EPB41L4A: variants seen among roughly 807,000 people sequenced by gnomAD.
EPB41L4A encodes the protein erythrocyte membrane protein band 4.1 like 4A.
Under a neutral mutation model 108.6 loss-of-function variants are expected in EPB41L4A, and 100 were observed. That is an observed-to-expected ratio of 0.92 (90% CI 0.78 to 1.09). The LOEUF (loss-of-function observed/expected upper bound fraction) is 1.09, where lower values mean the gene tolerates loss of function less well. Ranked by LOEUF, EPB41L4A falls within the 50% of genes least tolerant of loss-of-function variation. EPB41L4A has a pLI of 0.00. For synonymous variants in EPB41L4A, 319 were observed against 289.0 expected, an observed-to-expected ratio of 1.10 and a Z score of -1.05; for missense variants, 1,030 against 842.7, an observed-to-expected ratio of 1.22 and a Z score of -2.75.
intron 1 of EPB41L4A, among the ~76,000 whole-genome samples, chr5:112,322,513 A>G (rs1755848369): frequency 6.6e-6 from 1 of 152,112 alleles, no homozygotes. Context: ...CTAGCCAGAA[A>G]TCTAAGTCGG....
chr5:112,212,294 G>GT lies in EPB41L4A; in HGVS notation c.1088-2313dup, dbSNP rs1399638774. On this transcript the variant is annotated intron_variant, in intron 12 of 22. Coordinates refer to ENST00000261486, the MANE Select transcript of EPB41L4A (RefSeq NM_022140.5). ...GTGTGCCCTACCATTAGTTGTTTTT[G>GT]TTTTTTTTTTTCTCCTGAGACAGAG... Among the ~76,000 whole-genome samples, 695 of 136,582 alleles carry GT rather than the reference G, an allele frequency of 5.1e-3. 6 individuals are homozygous for GT. Among genetic ancestry groups the GT allele is most frequent in the Non-Finnish European group, 7.6e-3 (464 of 61,230 alleles). 89.6% of individuals were successfully genotyped at this position (136,582 alleles called of 152,430 possible). A position where few individuals can be genotyped will look rare whatever the true frequency, so the allele number is the denominator to read the frequency against.
At chr5:112,386,700 T>C (rs1190512521) in intron 1 of EPB41L4A, among the ~76,000 whole-genome samples, 1 of 152,176 alleles carries the variant, frequency 6.6e-6, no homozygotes, top group Admixed American at 6.5e-5. Flanking sequence ...GGATAATAAA[T>C]ACAGGACACA....
chr5:112,338,003 C>T (rs574901881), intron 1 of EPB41L4A, among the ~76,000 whole-genome samples: 4 of 152,222 alleles, frequency 2.6e-5, no homozygotes, highest in South Asian at 2.1e-4. Flanking sequence ...TCTCCTAAAT[C>T]GCTCGCCTTG....
At chr5:112,305,872 A>G (rs1291776183) in intron 2 of EPB41L4A, among the ~76,000 whole-genome samples, 1 of 152,166 alleles carries the variant, frequency 6.6e-6, no homozygotes, top group Non-Finnish European at 1.5e-5. Context: ...CTGTATTATA[A>G]ACACTATGAT....
At chr5:112,210,923 C>G (rs548110544) in intron 12 of EPB41L4A, among the ~76,000 whole-genome samples, 1 of 150,948 alleles carries the variant, frequency 6.6e-6, no homozygotes, top group African/African-American at 2.4e-5. Context: ...TCCTTCAATC[C>G]AATGCATAAC....
chr5:112,245,358 T>A (rs760455042), intron 9 of EPB41L4A, among the ~76,000 whole-genome samples: 26 of 152,166 alleles, frequency 1.7e-4, no homozygotes, highest in Non-Finnish European at 3.8e-4. Flanking sequence ...TGCAAAAGAA[T>A]AATTGAAATG....
intron 3 of EPB41L4A, 118 bp downstream of exon 3, chr5:112,280,154 C>A (rs1752874197): frequency 2.4e-6 from 2 of 816,760 alleles, no homozygotes; most frequent in South Asian, 2.8e-5. Flanking sequence ...TTCTGGTACT[C>A]AAGTACTAGT....
At chr5:112,408,373 A>G (rs571430926) in intron 1 of EPB41L4A, among the ~76,000 whole-genome samples, 3 of 152,308 alleles carry the variant, frequency 2.0e-5, no homozygotes, top group South Asian at 4.1e-4. Flanking sequence ...CGTCAAAATC[A>G]AAAATTTGTG....
At chr5:112,262,626 C>T (rs751291617) in intron 6 of EPB41L4A, 45 bp from the exon 7 acceptor site, 3 of 1,488,808 alleles carry the variant, frequency 2.0e-6, no homozygotes, top group Non-Finnish European at 2.8e-6. Flanking sequence ...ACAGCAGCTA[C>T]TGCACTTACA....
intron 2 of EPB41L4A, among the ~76,000 whole-genome samples, chr5:112,305,130 G>A (rs2150573999): frequency 6.6e-6 from 1 of 152,256 alleles, no homozygotes; most frequent in South Asian, 2.1e-4. Context: ...GACTTGGGGT[G>A]GAATTCTGGT....
At chr5:112,393,250 C>T (rs1580818548) in intron 1 of EPB41L4A, among the ~76,000 whole-genome samples, 1 of 152,064 alleles carries the variant, frequency 6.6e-6, no homozygotes, top group African/African-American at 2.4e-5. Context: ...CAGAGCAGAA[C>T]TGAAGGAGAT....
At chr5:112,328,003 G>T (rs769321864) in intron 1 of EPB41L4A, among the ~76,000 whole-genome samples, 1 of 152,084 alleles carries the variant, frequency 6.6e-6, no homozygotes, top group Non-Finnish European at 1.5e-5. Context: ...CCTTTAAAAA[G>T]ATGCTATAAA....
At chr5:112,398,053 C>T (rs1761481945) in intron 1 of EPB41L4A, among the ~76,000 whole-genome samples, 1 of 152,194 alleles carries the variant, frequency 6.6e-6, no homozygotes, top group Non-Finnish European at 1.5e-5. Context: ...CTAAGAAATG[C>T]ACACAGCATG....
At chr5:112,372,063 A>G (rs955375925) in intron 1 of EPB41L4A, among the ~76,000 whole-genome samples, 4 of 152,308 alleles carry the variant, frequency 2.6e-5, no homozygotes, top group Admixed American at 1.3e-4. Flanking sequence ...AAGTAAACAC[A>G]TATCAACAGT....
At chr5:112,259,165 TA>T in intron 9 of EPB41L4A, 63 bp downstream of exon 9, 1 of 1,279,046 alleles carries the variant, frequency 7.8e-7, no homozygotes, top group South Asian at 1.2e-5. Context: ...CAATGTCTTT[TA>T]AGCTACAAAT....
At chr5:112,388,082 G>A (rs1223700369) in intron 1 of EPB41L4A, among the ~76,000 whole-genome samples, 6 of 152,098 alleles carry the variant, frequency 3.9e-5, no homozygotes, top group Admixed American at 3.9e-4. Flanking sequence ...AATTCAAGTT[G>A]TTTCAGCAGA....
intron 7 of EPB41L4A, among the ~76,000 whole-genome samples, chr5:112,260,765 C>T (rs1440295851): frequency 2.0e-5 from 3 of 152,154 alleles, no homozygotes; most frequent in African/African-American, 7.2e-5. Flanking sequence ...ATGCACAGCA[C>T]TGTTTGTGAG....
Position 112,164,985 on chromosome 5 carries a change from C to G in EPB41L4A, c.*5G>C. The G allele has an allele frequency of 6.2e-7, 1 of 1,610,540 alleles. No homozygotes were observed. Among genetic ancestry groups the G allele is most frequent in the African/African-American group, 1.3e-5 (1 of 74,734 alleles). ...CCCACCCCTACCCTTGACCCTTCAT[C>G]AGGATCAAGTCTCTGTCTTGAGGCG... On this transcript the variant is annotated 3_prime_UTR_variant, in exon 23 of 23. Coordinates refer to ENST00000261486, the MANE Select transcript of EPB41L4A (RefSeq NM_022140.5).
intron 3 of EPB41L4A, among the ~76,000 whole-genome samples, chr5:112,278,309 G>A (rs2150500027): frequency 6.6e-6 from 1 of 151,360 alleles, no homozygotes; most frequent in East Asian, 1.9e-4. Context: ...GAGTGCAGTG[G>A]TGGGATCTCA....
Sources: gnomAD v4.1 joint callset for allele counts (sites outside exome capture counted in the v4.1 genomes callset) on GRCh38, gnomAD v4.1.1 for gene constraint, MANE v1.5 for transcripts, NCBI Gene and HGNC (gene_info 2026-07-23, HGNC 2026-07-21) for gene names.